ARHGAP15: variants seen among roughly 807,000 people sequenced by gnomAD.
ARHGAP15 encodes rho GTPase-activating protein 15.
A neutral mutation model predicts 63.7 loss-of-function variants in ARHGAP15; 51 were observed. The observed-to-expected ratio is 0.80, with a 90% CI of 0.64 to 1.01. The LOEUF (loss-of-function observed/expected upper bound fraction) is 1.01, where lower values mean the gene tolerates loss of function less well. ARHGAP15 is among the 50% of genes least tolerant of loss of function. ARHGAP15 has a pLI of 0.00. For missense variants in ARHGAP15, 560 were observed against 564.6 expected (o/e 0.99, Z 0.08); for synonymous variants, 191 against 193.8 (o/e 0.99, Z 0.12).
At position 143,281,135 on chromosome 2, in the gene ARHGAP15, T is replaced by C. The variant is rs74693274; in HGVS notation, c.474+30535T>C. 5.9e-5 allele frequency among the ~76,000 whole-genome samples: 9 copies of C among 152,164 alleles called. No individual in the cohort carries two copies. In the East Asian group the frequency reaches 7.7e-4, roughly 13 times the overall value. On this transcript the variant is annotated intron_variant, in intron 6 of 13. Coordinates refer to ENST00000295095, the MANE Select transcript of ARHGAP15 (RefSeq NM_018460.4). ...AGTCACTTTTCCAAGGTCATATAATTAGTAAGTGGTAAAAGACAGGCCCAG... is the reference window on the plus strand; with the variant it reads ...AGTCACTTTTCCAAGGTCATATAATCAGTAAGTGGTAAAAGACAGGCCCAG...
intron 9 of ARHGAP15, among the ~76,000 whole-genome samples, chr2:143,518,602 TTCCTG>T (rs746209548): frequency 1.3e-5 from 2 of 152,330 alleles, no homozygotes; most frequent in South Asian, 4.1e-4. Context: ...CAGGCCCTTT[TTCCTG>T]AATCATCTAT....
intron 10 of ARHGAP15, among the ~76,000 whole-genome samples, chr2:143,545,489 C>T (rs72990827): frequency 0.26 from 32,062 of 122,520 alleles, 3,681 homozygotes; most frequent in Middle Eastern, 0.33. Flanking sequence ...AACTATGTTG[C>T]ACAAAGTAAA....
chr2:143,596,052 C>T (rs1697504245), intron 11 of ARHGAP15, among the ~76,000 whole-genome samples: 1 of 152,098 alleles, frequency 6.6e-6, no homozygotes, highest in Admixed American at 6.6e-5. Flanking sequence ...CCCCAAACCA[C>T]CCTTGCTTGG....
intron 8 of ARHGAP15, among the ~76,000 whole-genome samples, chr2:143,462,163 A>T (rs1401031352): frequency 6.6e-6 from 1 of 152,172 alleles, no homozygotes; most frequent in Non-Finnish European, 1.5e-5. Flanking sequence ...TTGTCTCAAT[A>T]AAATAAAATA....
Position 143,421,641 on chromosome 2 carries a change from GAAA to G in ARHGAP15, c.475-13955_475-13953del, listed in dbSNP as rs368882499. 2.0e-5 allele frequency among the ~76,000 whole-genome samples: 3 copies of G among 151,128 alleles called. No homozygotes were observed. The South Asian group carries it at 6.3e-4, about 32-fold the overall frequency. ...GCATTTTTAAATGAAATCAATTAAA[GAAA>G]AAAAGAAACCAGGATAGAAGATATA... On this transcript the variant is annotated intron_variant, in intron 6 of 13. Coordinates refer to ENST00000295095, the MANE Select transcript of ARHGAP15 (RefSeq NM_018460.4).
At chr2:143,276,473 A>T (rs890672648) in intron 6 of ARHGAP15, among the ~76,000 whole-genome samples, 15 of 152,234 alleles carry the variant, frequency 9.9e-5, no homozygotes, top group African/African-American at 3.6e-4. Context: ...ATTTAATATT[A>T]CTTCTGGATG....
chr2:143,667,931 C>T (rs1160199238), intron 12 of ARHGAP15, among the ~76,000 whole-genome samples: 3 of 151,920 alleles, frequency 2.0e-5, no homozygotes, highest in Non-Finnish European at 4.4e-5. Context: ...GAGGCTGCAG[C>T]GAGCTATGTT....
At chr2:143,521,194 C>G (rs1362707846) in intron 10 of ARHGAP15, among the ~76,000 whole-genome samples, 5 of 152,122 alleles carry the variant, frequency 3.3e-5, no homozygotes, top group Non-Finnish European at 5.9e-5. Context: ...TAATGAAACT[C>G]AAAGACTTTC....
intron 13 of ARHGAP15, among the ~76,000 whole-genome samples, chr2:143,750,818 A>C (rs1157190919): frequency 3.3e-5 from 5 of 152,214 alleles, no homozygotes; most frequent in African/African-American, 9.6e-5. Context: ...CTGGATAGAG[A>C]ATTTCTGCCC....
intron 13 of ARHGAP15, among the ~76,000 whole-genome samples, chr2:143,763,373 A>C (rs951242376): frequency 5.9e-5 from 9 of 152,110 alleles, no homozygotes; most frequent in African/African-American, 2.2e-4. Flanking sequence ...ACATTTTCCC[A>C]GACATTCCCA....
intron 13 of ARHGAP15, among the ~76,000 whole-genome samples, chr2:143,758,998 G>A (rs1686672396): frequency 6.6e-6 from 1 of 152,132 alleles, no homozygotes; most frequent in South Asian, 2.1e-4. Flanking sequence ...TAAGGCAGAG[G>A]TCTTCATCTG....
In ARHGAP15 at chr2:143,435,168, C is replaced by A. The variant is rs140031685; in HGVS notation, c.475-433C>A. On this transcript the variant is annotated intron_variant, in intron 6 of 13. Coordinates refer to ENST00000295095, the MANE Select transcript of ARHGAP15 (RefSeq NM_018460.4). ...GGTAAATAAACTGTTTTAGAGCTCT[C>A]CATAAAAGGAAATCAAATATAGAGA... 9.8e-4 allele frequency: 720 copies of A among 732,376 alleles called. 3 individuals are homozygous for A. The highest frequency in any genetic ancestry group is 1.1e-3 in the Non-Finnish European group (683 of 599,238). The allele number at this position is 732,376 out of a possible 1,614,324, so 45.4% of individuals were successfully genotyped here.
At chr2:143,545,527 CTTG>C (rs1695293035) in intron 10 of ARHGAP15, among the ~76,000 whole-genome samples, 1 of 151,078 alleles carries the variant, frequency 6.6e-6, no homozygotes, top group African/African-American at 2.4e-5. Flanking sequence ...AGTTGCTACT[CTTG>C]TTAAATAAAA....
chr2:143,183,895 T>G (rs556026273), intron 2 of ARHGAP15, among the ~76,000 whole-genome samples: 4 of 152,122 alleles, frequency 2.6e-5, no homozygotes, highest in Non-Finnish European at 2.9e-5. Context: ...AAGACAGGAA[T>G]GTAAGATTAG....
chr2:143,458,981 C>A (rs1690791553), intron 8 of ARHGAP15, among the ~76,000 whole-genome samples: 1 of 152,056 alleles, frequency 6.6e-6, no homozygotes, highest in East Asian at 1.9e-4. Flanking sequence ...ACTAGAACTT[C>A]TTTAGTCTCA....
chr2:143,262,742 A>T (rs1680791771), intron 6 of ARHGAP15, among the ~76,000 whole-genome samples: 1 of 151,888 alleles, frequency 6.6e-6, no homozygotes, highest in South Asian at 2.1e-4. Flanking sequence ...TATAGTAGCT[A>T]TTTTAGTTGC....
intron 8 of ARHGAP15, among the ~76,000 whole-genome samples, chr2:143,461,887 G>C (rs1690958909): frequency 1.3e-5 from 2 of 152,050 alleles, no homozygotes; most frequent in South Asian, 4.1e-4. Flanking sequence ...TAGACTTATC[G>C]GCCTGCTGCT....
In ARHGAP15 at chr2:143,655,740, C is replaced by T. The variant is rs77894287; in HGVS notation, c.1138+31473C>T. On this transcript the variant is annotated intron_variant, in intron 12 of 13. Transcript: ENST00000295095. ...AAGAACTAAGTACATAGACCAAAAA[C>T]AAGAATCAGTGTTTTCCTGCTTCTA... is the stretch of plus-strand genomic sequence containing the variant. Among the ~76,000 whole-genome samples, 644 of 152,154 alleles carry T rather than the reference C, an allele frequency of 4.2e-3. 9 individuals are homozygous for T. Among genetic ancestry groups the T allele is most frequent in the African/African-American group, 0.015 (615 of 41,496 alleles).
chr2:143,661,862 C>T (rs915304399), intron 12 of ARHGAP15, among the ~76,000 whole-genome samples: 8 of 152,140 alleles, frequency 5.3e-5, no homozygotes, highest in African/African-American at 1.2e-4. Flanking sequence ...CTTTTCGGAC[C>T]GGCTTAAAAA....
Sources: gnomAD v4.1 joint callset for allele counts (sites outside exome capture counted in the v4.1 genomes callset) on GRCh38, gnomAD v4.1.1 for gene constraint, MANE v1.5 for transcripts, NCBI Gene and HGNC (gene_info 2026-07-23, HGNC 2026-07-21) for gene names.